The following AGPAT3 variants were observed in gnomAD, a reference collection of about 807,000 sequenced individuals.
AGPAT3 encodes the protein 1-acyl-sn-glycerol-3-phosphate acyltransferase gamma.
A neutral mutation model predicts 47.3 loss-of-function variants in AGPAT3; 5 were observed. The ratio of observed to expected loss-of-function variants is 0.11; its 90% CI spans 0.06 to 0.22. The LOEUF (loss-of-function observed/expected upper bound fraction) is 0.22. Ranked by LOEUF, AGPAT3 falls within the 10% of genes least tolerant of loss-of-function variation. AGPAT3 has a pLI of 1.00. For missense variants in AGPAT3, 315 were observed against 493.0 expected, an observed-to-expected ratio of 0.64 and a Z score of 3.42; for synonymous variants, 212 against 208.3, an observed-to-expected ratio of 1.02 and a Z score of -0.15.
chr21:43,901,226 A>G (rs2086343529), intron 1 of AGPAT3, among the ~76,000 whole-genome samples: 1 of 151,792 alleles, frequency 6.6e-6, no homozygotes, highest in South Asian at 2.1e-4. Context: ...TCAACGGCAG[A>G]GGCAGGAGGA....
intron 2 of AGPAT3, among the ~76,000 whole-genome samples, chr21:43,956,083 G>A (rs2088447082): frequency 6.6e-6 from 1 of 152,134 alleles, no homozygotes; most frequent in African/African-American, 2.4e-5. Flanking sequence ...CCTGGGTGAG[G>A]ACCACCTGGT....
chr21:43,968,196 G>A, intron 4 of AGPAT3, 81 bp downstream of exon 4: 1 of 1,476,670 alleles, frequency 6.8e-7, no homozygotes, highest in African/African-American at 1.5e-5. Context: ...CCCAGGGAGG[G>A]CCGGGGTGAG....
Position 43,982,215 on chromosome 21 carries a change from G to A in AGPAT3, c.1043-89G>A. 1.0e-6 allele frequency: 1 copy of A among 965,668 alleles called. No homozygotes were observed. The highest frequency in any genetic ancestry group is 2.4e-5 in the East Asian group (1 of 41,276). The allele number at this position is 965,668 out of a possible 1,614,324, so 59.8% of individuals were successfully genotyped here. ...GCGGGGCAGAGGGACAGGGTCTGGG[G>A]CAGAGGAAGGAAGCCCCAGTAACAC... On this transcript the variant is annotated intron_variant, in intron 9 of 9. Transcript: ENST00000291572. The surrounding 1 kb of genome is among the most constrained non-coding windows in gnomAD (Gnocchi z 6.2).
chr21:43,958,859 G>A (rs1273143589), intron 2 of AGPAT3, among the ~76,000 whole-genome samples: 20 of 147,262 alleles, frequency 1.4e-4, no homozygotes, highest in African/African-American at 2.0e-4. Context: ...TGTGGTTTGC[G>A]GTGTGTGTGT....
At chr21:43,960,639 AAACTAGAAGC>A in intron 3 of AGPAT3, 1 of 559,152 alleles carries the variant, frequency 1.8e-6, no homozygotes, top group Non-Finnish European at 2.3e-6. Context: ...TAGTAGCACA[AAACTAGAAGC>A]AACCCAAGCA....
Position 43,987,375 on chromosome 21 carries a change from CAG to C in AGPAT3, c.*4984_*4985del, listed in dbSNP as rs1020738487. On this transcript the variant is annotated 3_prime_UTR_variant, in exon 10 of 10. Coordinates refer to ENST00000291572, the MANE Select transcript of AGPAT3 (RefSeq NM_020132.5). ...GGAGAGCGGTCACCTGGCAAAAACA[CAG>C]GGGAAATCAGCCAGTCCACAAAAAT... Among the ~76,000 whole-genome samples the C allele has an allele frequency of 9.2e-5, 14 of 152,144 alleles. No individual in the cohort carries two copies. Among genetic ancestry groups the C allele is most frequent in the Admixed American group, 1.3e-4 (2 of 15,280 alleles).
At position 43,930,209 on chromosome 21, in the gene AGPAT3, C is replaced by T. The variant is rs2070549; in HGVS notation, c.-49+26190C>T. On this transcript the variant is annotated intron_variant, in intron 2 of 9. Transcript: ENST00000291572. The surrounding 1 kb of genome is among the most constrained non-coding windows in gnomAD (Gnocchi z 5.0). ...TGGGTTCCCCTTCCACGGTTCCCTGCCCCCGGGGACACAGTTGTGGGAGGT... is the reference window on the plus strand; with the variant it reads ...TGGGTTCCCCTTCCACGGTTCCCTGTCCCCGGGGACACAGTTGTGGGAGGT... Among the ~76,000 whole-genome samples the T allele has an allele frequency of 0.26, 39,683 of 152,124 alleles. 5,959 individuals are homozygous for T. The highest frequency in any genetic ancestry group is 0.36 in the South Asian group (1,745 of 4,820).
At chr21:43,897,505 C>A (rs1483151534) in intron 1 of AGPAT3, among the ~76,000 whole-genome samples, 2 of 152,102 alleles carry the variant, frequency 1.3e-5, no homozygotes, top group Admixed American at 6.6e-5. Context: ...CAGAAGGGTT[C>A]CCAGACAGGG....
At chr21:43,886,894 G>A (rs1432773200) in intron 1 of AGPAT3, among the ~76,000 whole-genome samples, 1 of 152,216 alleles carries the variant, frequency 6.6e-6, no homozygotes, top group East Asian at 1.9e-4. Context: ...TATGAACAGT[G>A]CTAAATGAAC....
At chr21:43,960,627 T>G in intron 3 of AGPAT3, 1 of 373,872 alleles carries the variant, frequency 2.7e-6, no homozygotes, top group Non-Finnish European at 3.7e-6. Flanking sequence ...GTATTATTTT[T>G]ATAGTAGCAC....
chr21:43,967,539 A>AT (rs1189036239), intron 3 of AGPAT3: 3 of 168,288 alleles, frequency 1.8e-5, no homozygotes, highest in Non-Finnish European at 3.8e-5. Flanking sequence ...TTAACTCTTC[A>AT]TTTTTTCCCA....
chr21:43,884,734 ATGCTGGGTGGCCTGGTGCTGGG>A (rs2085936589), intron 1 of AGPAT3, among the ~76,000 whole-genome samples: 5 of 146,336 alleles, frequency 3.4e-5, no homozygotes, highest in South Asian at 2.2e-4. Context: ...CTGGTGCTGG[ATGCTGGGTGGCCTGGTGCTGGG>A]TGCTGGGTGG....
intron 2 of AGPAT3, among the ~76,000 whole-genome samples, chr21:43,923,694 A>G (rs768278088): frequency 5.3e-5 from 8 of 152,224 alleles, no homozygotes; most frequent in Non-Finnish European, 1.0e-4. Flanking sequence ...GGTTTCTGGT[A>G]GAGGGTGTTA....
intron 2 of AGPAT3, among the ~76,000 whole-genome samples, chr21:43,926,970 C>T (rs1278853776): frequency 7.4e-6 from 1 of 134,346 alleles, no homozygotes; most frequent in Non-Finnish European, 1.5e-5. Context: ...CAGAGGAAGA[C>T]TCTGTCTCAA....
Position 43,947,454 on chromosome 21 carries a change from G to A in AGPAT3, c.-48-12180G>A, listed in dbSNP as rs1009041205. ...TTTGGCCTCTACCTGCTGGAGTGAC[G>A]CCCCCGGCATCTCCAGCGAGGCCTG... On this transcript the variant is annotated intron_variant, in intron 2 of 9. Coordinates refer to ENST00000291572, the MANE Select transcript of AGPAT3 (RefSeq NM_020132.5). 3.3e-5 allele frequency among the ~76,000 whole-genome samples: 5 copies of A among 152,142 alleles called. No individual in the cohort carries two copies. The East Asian group carries it at 7.7e-4, about 23-fold the overall frequency.
Position 43,981,814 on chromosome 21 carries a change from C to T in AGPAT3, c.1043-490C>T, listed in dbSNP as rs146707526. 4.0e-4 allele frequency among the ~76,000 whole-genome samples: 61 copies of T among 152,294 alleles called. No individual in the cohort carries two copies. Among genetic ancestry groups the T allele is most frequent in the Middle Eastern group, 3.4e-3 (1 of 294 alleles). On this transcript the variant is annotated intron_variant, in intron 9 of 9. Coordinates refer to ENST00000291572, the MANE Select transcript of AGPAT3 (RefSeq NM_020132.5). This position sits in a 1 kb window ranked among gnomAD's most constrained non-coding sequence, Gnocchi z 5.3. ...GGGCCAGCTCCTCCCCTGCTCCTGC[C>T]GCCCCTGCCAGGGGCCTTGGTGGGA...
At chr21:43,949,781 C>A (rs898079655) in intron 2 of AGPAT3, among the ~76,000 whole-genome samples, 17 of 152,174 alleles carry the variant, frequency 1.1e-4, no homozygotes, top group African/African-American at 3.9e-4. Context: ...TAGGTATTTT[C>A]TCTTTCTTAT....
At chr21:43,980,157 T>A (rs1189449097) in intron 8 of AGPAT3, among the ~76,000 whole-genome samples, 1 of 150,618 alleles carries the variant, frequency 6.6e-6, no homozygotes, top group Non-Finnish European at 1.5e-5. Flanking sequence ...GCACCTGTAA[T>A]CCCAGCTACT....
At chr21:43,877,118 C>A (rs918901136) in intron 1 of AGPAT3, among the ~76,000 whole-genome samples, 1 of 152,190 alleles carries the variant, frequency 6.6e-6, no homozygotes, top group Non-Finnish European at 1.5e-5. Context: ...CTTGGCCTCC[C>A]GAAGTGCTGG....
Sources: gnomAD v4.1 joint callset for allele counts (sites outside exome capture counted in the v4.1 genomes callset) on GRCh38, gnomAD v4.1.1 for gene constraint, Gnocchi (gnomAD v3.1) non-coding constraint, MANE v1.5 for transcripts, NCBI Gene and HGNC (gene_info 2026-07-23, HGNC 2026-07-21) for gene names.